OXCT1: variants seen among roughly 807,000 people sequenced by gnomAD.
The protein encoded by OXCT1 is 3-oxoacid CoA-transferase 1, also known as succinyl-CoA:3-ketoacid coenzyme A transferase 1, mitochondrial.
In OXCT1, 27 loss-of-function variants were observed where a neutral mutation model predicts 69.6. The observed-to-expected ratio is 0.39, with a 90% CI of 0.29 to 0.54. The LOEUF (loss-of-function observed/expected upper bound fraction) is 0.54, where lower values mean the gene tolerates loss of function less well. Among genes scored for constraint, OXCT1 ranks in the 20% least tolerant of loss-of-function variants. The pLI, the probability that OXCT1 is intolerant of heterozygous loss-of-function variation, is 0.72. For missense variants in OXCT1, 437 were observed against 650.2 expected (o/e 0.67, Z 3.57); for synonymous variants, 202 against 217.8 (o/e 0.93, Z 0.64).
intron 12 of OXCT1, chr5:41,794,409 C>T: frequency 1.7e-6 from 1 of 595,496 alleles, no homozygotes; most frequent in Non-Finnish European, 3.0e-6. Context: ...ATGTTAGAAT[C>T]CTCAGAAAGC....
chr5:41,745,391 C>T (rs1424483480), intron 15 of OXCT1, among the ~76,000 whole-genome samples: 1 of 152,094 alleles, frequency 6.6e-6, no homozygotes, highest in Admixed American at 6.5e-5. Context: ...CTCTGGGACA[C>T]ATTCAAAGCA....
intron 7 of OXCT1, among the ~76,000 whole-genome samples, chr5:41,837,281 G>A (rs1207744857): frequency 6.6e-6 from 1 of 150,900 alleles, no homozygotes; most frequent in Non-Finnish European, 1.5e-5. Flanking sequence ...GAAAGGAGAT[G>A]AGCTAAGAGT....
chr5:41,862,549 A>T, intron 2 of OXCT1, 93 bp downstream of exon 2: 2 of 725,004 alleles, frequency 2.8e-6, no homozygotes, highest in Non-Finnish European at 2.5e-6. Context: ...TAAAATAATT[A>T]TCATTTTTAT....
chr5:41,801,658 A>G (rs1204302193), intron 10 of OXCT1, among the ~76,000 whole-genome samples: 1 of 152,146 alleles, frequency 6.6e-6, no homozygotes, highest in African/African-American at 2.4e-5. Context: ...TGGAGAGGCA[A>G]AGTTTTAGCT....
chr5:41,824,485 C>T (rs1008548439), intron 7 of OXCT1, among the ~76,000 whole-genome samples: 6 of 152,110 alleles, frequency 3.9e-5, no homozygotes, highest in Non-Finnish European at 5.9e-5. Flanking sequence ...GTTTTCCATT[C>T]CATTTTCCTA....
intron 16 of OXCT1, among the ~76,000 whole-genome samples, chr5:41,734,186 A>ATTG (rs1742775043): frequency 6.6e-6 from 1 of 152,208 alleles, no homozygotes; most frequent in Non-Finnish European, 1.5e-5. Flanking sequence ...AGAACCATAA[A>ATTG]TTGGTTCTAT....
chr5:41,794,335 G>T (rs778831867), intron 12 of OXCT1: 100 of 593,296 alleles, frequency 1.7e-4, no homozygotes, highest in Non-Finnish European at 2.9e-4. Context: ...GTTTCCTTCA[G>T]TGAGGCAGAA....
intron 16 of OXCT1, among the ~76,000 whole-genome samples, chr5:41,736,179 A>T (rs575620446): frequency 6.6e-6 from 1 of 152,338 alleles, no homozygotes; most frequent in South Asian, 2.1e-4. Context: ...GAGAGTAATC[A>T]TATGGTTGGC....
intron 7 of OXCT1, among the ~76,000 whole-genome samples, chr5:41,826,377 G>C (rs1747808609): frequency 6.6e-6 from 1 of 152,132 alleles, no homozygotes; most frequent in African/African-American, 2.4e-5. Context: ...TTACAATGTA[G>C]TTCAATAGTC....
chr5:41,840,333 A>C (rs77659917), intron 7 of OXCT1, 118 bp downstream of exon 7: 5 of 532,438 alleles, frequency 9.4e-6, no homozygotes, highest in Non-Finnish European at 1.6e-5. Context: ...TTTCCAAAAC[A>C]AAAAAAAAAG....
chr5:41,760,666 A>T (rs1744303330), intron 14 of OXCT1, among the ~76,000 whole-genome samples: 1 of 152,160 alleles, frequency 6.6e-6, no homozygotes, highest in African/African-American at 2.4e-5. Flanking sequence ...TTTTTTCCAA[A>T]TAGACATTAT....
chr5:41,790,160 C>T (rs992371543), intron 13 of OXCT1, among the ~76,000 whole-genome samples: 9 of 152,198 alleles, frequency 5.9e-5, no homozygotes, highest in Non-Finnish European at 8.8e-5. Context: ...GTGCCACTCA[C>T]GTACTGCAGC....
At chr5:41,807,694 G>T (rs1746753981) in intron 7 of OXCT1, among the ~76,000 whole-genome samples, 1 of 151,996 alleles carries the variant, frequency 6.6e-6, no homozygotes, top group Non-Finnish European at 1.5e-5. Flanking sequence ...GTTAGTCTTT[G>T]CTTAAAAGAG....
At chr5:41,749,498 A>G (rs2112046661) in intron 15 of OXCT1, 29 bp downstream of exon 15, 1 of 1,430,172 alleles carries the variant, frequency 7.0e-7, no homozygotes, top group South Asian at 1.2e-5. Context: ...TACTTAAAAC[A>G]TGGTAATAGT....
intron 4 of OXCT1, among the ~76,000 whole-genome samples, chr5:41,851,508 C>T (rs140631777): frequency 1.6e-4 from 25 of 152,206 alleles, no homozygotes; most frequent in Middle Eastern, 6.8e-3. Context: ...AGGTAAGGGC[C>T]TGAAAGTGGA....
intron 7 of OXCT1, among the ~76,000 whole-genome samples, chr5:41,810,431 A>T (rs1362619096): frequency 6.6e-6 from 1 of 152,074 alleles, no homozygotes; most frequent in African/African-American, 2.4e-5. Flanking sequence ...CAAGATCAAG[A>T]TGGAAGAGAG....
At chr5:41,736,334 T>C (rs925354617) in intron 16 of OXCT1, among the ~76,000 whole-genome samples, 1 of 152,236 alleles carries the variant, frequency 6.6e-6, no homozygotes, top group Non-Finnish European at 1.5e-5. Context: ...ACCTTCAAGA[T>C]ACTGCCCTCC....
chr5:41,811,051 T>A (rs1746959222), intron 7 of OXCT1, among the ~76,000 whole-genome samples: 1 of 140,288 alleles, frequency 7.1e-6, no homozygotes, highest in Non-Finnish European at 1.6e-5. Context: ...ATGTCTAGAA[T>A]CATGAGAAAC....
chr5:41,757,638 A>AG (rs1349898495), intron 14 of OXCT1, among the ~76,000 whole-genome samples: 1 of 152,096 alleles, frequency 6.6e-6, no homozygotes, highest in Non-Finnish European at 1.5e-5. Context: ...CAAAACATCA[A>AG]AGAATATTCC....
Sources: gnomAD v4.1 joint callset for allele counts (sites outside exome capture counted in the v4.1 genomes callset) on GRCh38, gnomAD v4.1.1 for gene constraint, MANE v1.5 for transcripts, NCBI Gene and HGNC (gene_info 2026-07-23, HGNC 2026-07-21) for gene names.